Variants in FAM13A observed in about 807,000 individuals in gnomAD.
The protein encoded by FAM13A is family with sequence similarity 13 member A.
Under a neutral mutation model 129.6 loss-of-function variants are expected in FAM13A, and 76 were observed. That is an observed-to-expected ratio of 0.59 (90% CI 0.49 to 0.71). FAM13A has a LOEUF of 0.71. Among genes scored for constraint, FAM13A ranks in the 30% least tolerant of loss-of-function variants. The pLI is 0.00. For synonymous variants in FAM13A, 443 were observed against 449.9 expected (o/e 0.98, Z 0.20); for missense variants, 1,108 against 1,249.3 (o/e 0.89, Z 1.70).
intron 8 of FAM13A, among the ~76,000 whole-genome samples, chr4:88,791,321 A>T (rs1725098125): frequency 6.6e-6 from 1 of 152,136 alleles, no homozygotes; most frequent in Admixed American, 6.6e-5. Flanking sequence ...TTTTAAAAGT[A>T]TTGAGAAGTG....
chr4:88,774,890 T>C (rs917167876), intron 11 of FAM13A, among the ~76,000 whole-genome samples: 5 of 152,124 alleles, frequency 3.3e-5, no homozygotes, highest in African/African-American at 1.2e-4. Flanking sequence ...GACTCTTGAA[T>C]GAAAAAGATT....
intron 7 of FAM13A, among the ~76,000 whole-genome samples, chr4:88,839,360 CTATT>C (rs1349961840): frequency 6.6e-6 from 1 of 152,086 alleles, no homozygotes; most frequent in Non-Finnish European, 1.5e-5. Flanking sequence ...AAGCACACAT[CTATT>C]TATTCATTCA....
intron 6 of FAM13A, among the ~76,000 whole-genome samples, chr4:88,866,996 A>G (rs888644343): frequency 1.3e-5 from 2 of 152,222 alleles, no homozygotes; most frequent in African/African-American, 4.8e-5. Context: ...AGTTAGGTAA[A>G]TATACAGTAG....
At chr4:88,953,116 C>T (rs2148883726) in intron 4 of FAM13A, among the ~76,000 whole-genome samples, 1 of 152,170 alleles carries the variant, frequency 6.6e-6, no homozygotes, top group South Asian at 2.1e-4. Context: ...ACTAGTACAT[C>T]CATCATCACA....
intron 5 of FAM13A, among the ~76,000 whole-genome samples, chr4:88,923,605 G>A (rs2148730069): frequency 6.6e-6 from 1 of 152,240 alleles, no homozygotes; most frequent in East Asian, 1.9e-4. Context: ...CATACTGAAT[G>A]GGCAAAAACT....
intron 6 of FAM13A, among the ~76,000 whole-genome samples, chr4:88,869,753 T>C (rs1463995571): frequency 6.6e-6 from 1 of 152,206 alleles, no homozygotes; most frequent in Non-Finnish European, 1.5e-5. Context: ...TCTAGTTCAA[T>C]ACCTGGCATG....
chr4:88,841,493 C>CAAAAA (rs35396785), intron 7 of FAM13A, among the ~76,000 whole-genome samples: 2 of 96,626 alleles, frequency 2.1e-5, no homozygotes, highest in East Asian at 2.9e-4. Flanking sequence ...GACTCTGTCT[C>CAAAAA]AAAAAAAAAA....
Position 88,781,286 on chromosome 4 carries a change from G to A in FAM13A, c.1337C>T (p.Thr446Ile), listed in dbSNP as rs778063191. The change falls in exon 11 of 24, where the codon ACT (threonine) becomes ATT (isoleucine). Residue 446 changes from threonine (T) to isoleucine (I), a missense_variant. This residue lies in a region of FAM13A where 566 missense variants were observed against 595.7 expected (regional missense o/e 0.95). Coordinates refer to ENST00000264344, the MANE Select transcript of FAM13A (RefSeq NM_014883.4). The stretch of plus-strand genomic sequence containing the variant: ...TTTGTGTACCTTTTCGACTTCCTGA[G>A]TATTCAAAATACAATCATCAAGGTG... ...FNHLDDCILN[T>I]QEVEKVHKNT... is the part of the protein sequence containing the mutation. 7 of 1,612,790 alleles carry A rather than the reference G, an allele frequency of 4.3e-6. No homozygotes were observed. The highest frequency in any genetic ancestry group is 5.9e-6 in the Non-Finnish European group (7 of 1,179,274).
chr4:88,904,987 ATT>A (rs1747895868), intron 6 of FAM13A, among the ~76,000 whole-genome samples: 1 of 152,102 alleles, frequency 6.6e-6, no homozygotes, highest in South Asian at 2.1e-4. Context: ...TCATACAGTG[ATT>A]TTTATTTAAA....
intron 3 of FAM13A, among the ~76,000 whole-genome samples, chr4:89,019,630 G>A (rs549029240): frequency 2.6e-5 from 4 of 151,720 alleles, no homozygotes; most frequent in East Asian, 1.9e-4. Flanking sequence ...GCATGGTGGC[G>A]GGTGCCTGTA....
At chr4:88,965,238 G>T (rs1256270246) in intron 4 of FAM13A, among the ~76,000 whole-genome samples, 1 of 152,184 alleles carries the variant, frequency 6.6e-6, no homozygotes, top group Non-Finnish European at 1.5e-5. Context: ...ACATAGAAAG[G>T]AAAGGCATCT....
chr4:88,777,582 T>C (rs1232517161), intron 11 of FAM13A, among the ~76,000 whole-genome samples: 1 of 152,134 alleles, frequency 6.6e-6, no homozygotes. Context: ...AGTTTCTCAG[T>C]CTCTGCTGGT....
At chr4:88,940,544 T>A (rs1369254775) in intron 4 of FAM13A, among the ~76,000 whole-genome samples, 3 of 152,196 alleles carry the variant, frequency 2.0e-5, no homozygotes, top group African/African-American at 7.2e-5. Context: ...GACATGATTT[T>A]AAAAATTTTC....
intron 6 of FAM13A, among the ~76,000 whole-genome samples, chr4:88,852,015 T>C (rs1337220228): frequency 6.6e-6 from 1 of 152,166 alleles, no homozygotes; most frequent in African/African-American, 2.4e-5. Context: ...CTTTTTCTTG[T>C]CTCTAGGATT....
intron 23 of FAM13A, among the ~76,000 whole-genome samples, chr4:88,730,998 G>A (rs981947729): frequency 6.6e-6 from 1 of 152,148 alleles, no homozygotes; most frequent in Non-Finnish European, 1.5e-5. Flanking sequence ...AAAAGCGTTG[G>A]TGCCACCACC....
At chr4:88,740,553 T>TAAGAGAA (rs1740021722) in intron 19 of FAM13A, among the ~76,000 whole-genome samples, 1 of 152,242 alleles carries the variant, frequency 6.6e-6, no homozygotes, top group African/African-American at 2.4e-5. Flanking sequence ...AGTTAGCTGT[T>TAAGAGAA]TGTCTCCTGC....
chr4:89,016,106 C>G (rs1163280897), intron 3 of FAM13A, among the ~76,000 whole-genome samples: 1 of 150,044 alleles, frequency 6.7e-6, no homozygotes. Context: ...TCCATTGGAA[C>G]AAGATATGGA....
chr4:88,995,437 C>T (rs1579679465), intron 3 of FAM13A, among the ~76,000 whole-genome samples: 2 of 152,298 alleles, frequency 1.3e-5, no homozygotes, highest in Non-Finnish European at 2.9e-5. Context: ...AATCAGCTGC[C>T]AGCAGAGGAA....
At chr4:89,032,807 A>T (rs1305801886) in intron 1 of FAM13A, among the ~76,000 whole-genome samples, 1 of 152,214 alleles carries the variant, frequency 6.6e-6, no homozygotes, top group African/African-American at 2.4e-5. Flanking sequence ...AATACTACTC[A>T]AAATGATTGC....
Sources: allele counts gnomAD v4.1 joint callset (sites outside exome capture counted in the v4.1 genomes callset), GRCh38; gene constraint gnomAD v4.1.1; regional missense constraint gnomAD v4.1.1; transcripts MANE v1.5; gene names NCBI Gene and HGNC (gene_info 2026-07-23, HGNC 2026-07-21).